SPATA6: variants seen among roughly 807,000 people sequenced by gnomAD.
SPATA6 encodes the protein spermatogenesis associated 6.
In SPATA6, 56 loss-of-function variants were observed where a neutral mutation model predicts 65.3. The ratio of observed to expected loss-of-function variants is 0.86; its 90% CI spans 0.69 to 1.07. The LOEUF is 1.07. SPATA6 is among the 50% of genes least tolerant of loss of function. The pLI is 0.00. For missense variants in SPATA6, 590 were observed against 594.8 expected (o/e 0.99, Z 0.08); for synonymous variants, 199 against 213.2 (o/e 0.93, Z 0.58).
In SPATA6 at chr1:48,298,721, T is replaced by C. The variant is rs760209757; in HGVS notation, c.1459A>G (p.Ser487Gly). 8.1e-6 allele frequency: 13 copies of C among 1,612,086 alleles called. No individual in the cohort carries two copies. The highest frequency in any genetic ancestry group is 9.3e-6 in the Non-Finnish European group (11 of 1,179,142). ...GTTTATCATGGATGGTCTCAGAAGCTTTCCTGTGTATGTGAAGCAGAACTA... is the reference window on the plus strand; with the variant it reads ...GTTTATCATGGATGGTCTCAGAAGCCTTCCTGTGTATGTGAAGCAGAACTA... ...ACSSASHTQE[S>G]F The change falls in exon 13 of 13, where the codon AGC becomes GGC. Residue 487 changes from serine (S) to glycine (G), a missense_variant. Coordinates refer to ENST00000371847, the MANE Select transcript of SPATA6 (RefSeq NM_019073.4).
chr1:48,355,613 T>C, intron 11 of SPATA6, 57 bp downstream of exon 11: 9 of 1,233,316 alleles, frequency 7.3e-6, no homozygotes, highest in Non-Finnish European at 1.0e-5. Flanking sequence ...TAGGCATCTT[T>C]GGTGGTTTTC....
chr1:48,298,895 T>G lies in SPATA6; in HGVS notation c.1287-2A>C. ...GTGCCACGTGGCTGCTGACATGAGC[T>G]ATAAAAAGGGATATAAAAGGTTCAA... On this transcript the variant is annotated splice_acceptor_variant, in intron 12 of 12. Coordinates refer to ENST00000371847, the MANE Select transcript of SPATA6 (RefSeq NM_019073.4). LOFTEE classifies it high-confidence loss of function. 1 of 1,610,334 alleles carries G rather than the reference T, an allele frequency of 6.2e-7. No homozygotes were observed. Among genetic ancestry groups the G allele is most frequent in the Non-Finnish European group, 8.5e-7 (1 of 1,178,900 alleles).
chr1:48,413,070 T>C (rs1485763045), intron 4 of SPATA6, 40 bp downstream of exon 4: 6 of 658,242 alleles, frequency 9.1e-6, no homozygotes, highest in East Asian at 4.1e-5. Flanking sequence ...CATCAATTTA[T>C]GATATCTTAT....
At chr1:48,395,228 G>A in intron 8 of SPATA6, 39 bp downstream of exon 8, 1 of 1,438,138 alleles carries the variant, frequency 7.0e-7, no homozygotes, top group Non-Finnish European at 9.3e-7. Context: ...TTGTAGCTCA[G>A]GCAACTACAG....
intron 3 of SPATA6, chr1:48,448,135 C>A (rs771612501): frequency 6.6e-6 from 1 of 151,980 alleles, no homozygotes; most frequent in Non-Finnish European, 1.5e-5. Flanking sequence ...GTGGCACATG[C>A]CTGTGGTCCC....
intron 3 of SPATA6, among the ~76,000 whole-genome samples, chr1:48,441,438 T>C (rs1055753405): frequency 2.0e-5 from 3 of 152,252 alleles, no homozygotes; most frequent in African/African-American, 7.2e-5. Flanking sequence ...CATGCCTTTC[T>C]TGTTATGCCT....
chr1:48,368,027 T>G (rs966017197), intron 9 of SPATA6, among the ~76,000 whole-genome samples: 4 of 152,094 alleles, frequency 2.6e-5, no homozygotes, highest in Non-Finnish European at 4.4e-5. Context: ...CTTGTCTGTA[T>G]AGTATTTTAT....
intron 11 of SPATA6, among the ~76,000 whole-genome samples, chr1:48,314,581 A>T (rs1381063086): frequency 6.6e-6 from 1 of 152,234 alleles, no homozygotes; most frequent in Non-Finnish European, 1.5e-5. Context: ...TGCCCACAAG[A>T]GAAAGCAGGA....
Position 48,428,775 on chromosome 1 carries a change from ATG to A in SPATA6, c.239-15626_239-15625del, listed in dbSNP as rs59651745. Among the ~76,000 whole-genome samples, 713 of 133,504 alleles carry A rather than the reference ATG, an allele frequency of 5.3e-3. 3 individuals carry two copies. Among genetic ancestry groups the A allele is most frequent in the East Asian group, 9.0e-3 (41 of 4,562 alleles). 87.6% of individuals were successfully genotyped at this position (133,504 alleles called of 152,430 possible). On this transcript the variant is annotated intron_variant, in intron 3 of 12. Transcript: ENST00000371847. ...CACGGTCAACTGTATAGGTGTATAT[ATG>A]TGTGTGTGTGTGTGTGTGTGTGTGT...
chr1:48,444,156 A>G (rs1655784313), intron 3 of SPATA6, among the ~76,000 whole-genome samples: 2 of 152,226 alleles, frequency 1.3e-5, no homozygotes. Context: ...TTTTGTGTCT[A>G]GCTAAAGGAT....
chr1:48,398,194 GA>G (rs951837995), intron 7 of SPATA6, among the ~76,000 whole-genome samples: 40 of 150,718 alleles, frequency 2.7e-4, no homozygotes, highest in South Asian at 1.3e-3. Context: ...GTAGAAATGA[GA>G]AAAGTAGTCA....
At chr1:48,445,397 C>T (rs765725530) in intron 3 of SPATA6, among the ~76,000 whole-genome samples, 13 of 152,160 alleles carry the variant, frequency 8.5e-5, no homozygotes, top group Non-Finnish European at 1.3e-4. Flanking sequence ...GGCGTGGTGG[C>T]TCACGCCTGT....
chr1:48,330,654 C>T (rs1377038604), intron 11 of SPATA6, among the ~76,000 whole-genome samples: 2 of 152,204 alleles, frequency 1.3e-5, no homozygotes, highest in Non-Finnish European at 1.5e-5. Flanking sequence ...CCTACGTTTG[C>T]CTGAATGTGT....
At chr1:48,278,846 C>T in the SPATA6 span, among the ~76,000 whole-genome samples, 2 of 152,096 alleles carry the variant, frequency 1.3e-5, no homozygotes. Flanking sequence ...CAAAGATACT[C>T]CTCGAGAAGA....
chr1:48,316,508 C>CT (rs1244364114), intron 11 of SPATA6, among the ~76,000 whole-genome samples: 159 of 152,116 alleles, frequency 1.0e-3, no homozygotes, highest in African/African-American at 7.2e-5. Flanking sequence ...GGATCCCTTC[C>CT]TACACCTTAT....
chr1:48,469,346 A>G (rs1658050405), intron 1 of SPATA6, among the ~76,000 whole-genome samples: 1 of 152,104 alleles, frequency 6.6e-6, no homozygotes, highest in Admixed American at 6.6e-5. Context: ...AATTTCATTT[A>G]AAAAGTTGGG....
chr1:48,367,133 T>C (rs1019834909), intron 9 of SPATA6, among the ~76,000 whole-genome samples: 19 of 152,244 alleles, frequency 1.2e-4, no homozygotes, highest in Non-Finnish European at 2.2e-4. Flanking sequence ...TCCTGAGTTC[T>C]AGTTTGATTG....
At chr1:48,445,517 G>A (rs1425509589) in intron 3 of SPATA6, among the ~76,000 whole-genome samples, 5 of 151,922 alleles carry the variant, frequency 3.3e-5, no homozygotes, top group Non-Finnish European at 5.9e-5. Flanking sequence ...AAAATTAGCC[G>A]GGCGTGGTGG....
intron 9 of SPATA6, among the ~76,000 whole-genome samples, chr1:48,364,990 A>G (rs768049233): frequency 2.0e-5 from 3 of 152,086 alleles, no homozygotes; most frequent in Admixed American, 6.6e-5. Flanking sequence ...GTGTAAGGAA[A>G]GGATCCAGTT....
Sources: allele counts gnomAD v4.1 joint callset (sites outside exome capture counted in the v4.1 genomes callset), GRCh38; gene constraint gnomAD v4.1.1; transcripts MANE v1.5; gene names NCBI Gene and HGNC (gene_info 2026-07-23, HGNC 2026-07-21).